TRPM3: variants seen among roughly 807,000 people sequenced by gnomAD.
TRPM3 encodes transient receptor potential cation channel subfamily M member 3.
TRPM3 carries 77 observed loss-of-function variants against 181.2 expected under a neutral mutation model. That is an observed-to-expected ratio of 0.42 (90% CI 0.35 to 0.51). The LOEUF is 0.51. Ranked by LOEUF, TRPM3 falls within the 20% of genes least tolerant of loss-of-function variation. The probability of loss-of-function intolerance (pLI) is 0.01; values close to 1 mark genes in which losing one functional copy is unlikely to be tolerated. For missense variants in TRPM3, 1,759 were observed against 2,196.7 expected (o/e 0.80, Z 3.98); for synonymous variants, 745 against 796.4 (o/e 0.94, Z 1.09).
At chr9:71,017,808 A>G (rs2134455301) in intron 1 of TRPM3, among the ~76,000 whole-genome samples, 1 of 152,042 alleles carries the variant, frequency 6.6e-6, no homozygotes, top group Non-Finnish European at 1.5e-5. Context: ...CACAAAAAAC[A>G]TAAAAAATAA....
chr9:71,214,160 T>C (rs1386172179), intron 1 of TRPM3, among the ~76,000 whole-genome samples: 2 of 152,082 alleles, frequency 1.3e-5, no homozygotes, highest in African/African-American at 4.8e-5. Flanking sequence ...TTGACATTAA[T>C]AAACAAGGTC....
intron 1 of TRPM3, among the ~76,000 whole-genome samples, chr9:71,096,700 T>A (rs1021871763): frequency 6.6e-6 from 1 of 151,774 alleles, no homozygotes; most frequent in Non-Finnish European, 1.5e-5. Context: ...AGATTTTATT[T>A]ACCTGGGGTG....
At chr9:70,813,591 C>T (rs992152756) in intron 6 of TRPM3, among the ~76,000 whole-genome samples, 2 of 152,056 alleles carry the variant, frequency 1.3e-5, no homozygotes, top group African/African-American at 4.8e-5. Context: ...AATAGAAGCC[C>T]AAACCTCAGC....
chr9:70,625,058 TC>T lies in TRPM3; in HGVS notation c.1809+132del. The T allele has an allele frequency of 1.0e-6, 1 of 981,636 alleles. No homozygotes were observed. Among genetic ancestry groups the T allele is most frequent in the African/African-American group, 1.6e-5 (1 of 60,904 alleles). 60.8% of individuals were successfully genotyped at this position (981,636 alleles called of 1,614,324 possible). A position where few individuals can be genotyped will look rare whatever the true frequency, so the allele number is the denominator to read the frequency against. ...AGATTAATTTGAATTTCATTACTTTTCTTTGATTGTTTAGGTTCACTCTCAG... is the reference window on the plus strand; with the variant it reads ...AGATTAATTTGAATTTCATTACTTTTTTTGATTGTTTAGGTTCACTCTCAG... On this transcript the variant is annotated intron_variant, in intron 14 of 25. Coordinates refer to ENST00000677713, the MANE Select transcript of TRPM3 (RefSeq NM_001366145.2). This position sits in a 1 kb window ranked among gnomAD's most constrained non-coding sequence, Gnocchi z 4.8.
intron 25 of TRPM3, among the ~76,000 whole-genome samples, chr9:70,547,468 T>C (rs1294381980): frequency 2.7e-5 from 4 of 150,430 alleles, no homozygotes; most frequent in African/African-American, 9.8e-5. Context: ...GTGCATCCCA[T>C]GGTGTTTCTG....
At chr9:70,749,380 T>C (rs2075741299) in intron 8 of TRPM3, among the ~76,000 whole-genome samples, 1 of 152,156 alleles carries the variant, frequency 6.6e-6, no homozygotes, top group Non-Finnish European at 1.5e-5. Flanking sequence ...CCCCAAGATA[T>C]AGTCTAGGAA....
At chr9:70,937,785 A>C (rs2096843369) in intron 1 of TRPM3, among the ~76,000 whole-genome samples, 1 of 148,806 alleles carries the variant, frequency 6.7e-6, no homozygotes, top group South Asian at 2.2e-4. Context: ...AGCTCTAGCA[A>C]TGACACTCAT....
At chr9:71,141,198 A>C (rs970589584) in intron 1 of TRPM3, among the ~76,000 whole-genome samples, 6 of 152,306 alleles carry the variant, frequency 3.9e-5, no homozygotes, top group African/African-American at 1.4e-4. Flanking sequence ...TCTTATTCAG[A>C]TAAATTAATT....
chr9:71,110,449 T>C (rs1421836975), intron 1 of TRPM3, among the ~76,000 whole-genome samples: 2 of 152,224 alleles, frequency 1.3e-5, no homozygotes, highest in Non-Finnish European at 2.9e-5. Context: ...GCTCCTTTGT[T>C]GTGTATTGTC....
intron 1 of TRPM3, among the ~76,000 whole-genome samples, chr9:70,894,380 C>G (rs922873283): frequency 1.2e-4 from 18 of 152,222 alleles, no homozygotes; most frequent in Middle Eastern, 3.4e-3. Flanking sequence ...AAGGGACCAT[C>G]GGGCATTACT....
intron 1 of TRPM3, among the ~76,000 whole-genome samples, chr9:71,445,114 C>T (rs778685724): frequency 3.9e-5 from 6 of 152,214 alleles, no homozygotes; most frequent in Non-Finnish European, 7.4e-5. Flanking sequence ...AGGTAACAAA[C>T]CTGCAATCAT....
chr9:71,182,323 C>T (rs1268764374), intron 1 of TRPM3, among the ~76,000 whole-genome samples: 1 of 152,070 alleles, frequency 6.6e-6, no homozygotes, highest in Admixed American at 6.6e-5. Flanking sequence ...ACACAACTCC[C>T]TCTCCATGGA....
chr9:71,296,731 A>G (rs977130955), intron 1 of TRPM3, among the ~76,000 whole-genome samples: 1 of 152,178 alleles, frequency 6.6e-6, no homozygotes, highest in African/African-American at 2.4e-5. Context: ...ACGGACCATT[A>G]GAAGATTGCT....
chr9:70,927,330 T>C (rs1428266419), intron 1 of TRPM3, among the ~76,000 whole-genome samples: 4 of 152,188 alleles, frequency 2.6e-5, no homozygotes, highest in Non-Finnish European at 4.4e-5. Context: ...AAGCCATGGA[T>C]AAGACACAGT....
upstream of TRPM3, chr9:71,446,875 C>G: frequency 6.7e-7 from 1 of 1,484,212 alleles, no homozygotes. Flanking sequence ...AGCCCAGCGC[C>G]GAGCGCTCTC....
At position 71,247,913 on chromosome 9, in the gene TRPM3, G is replaced by A. The variant is rs565917715; in HGVS notation, c.183+198740C>T. On this transcript the variant is annotated intron_variant, in intron 1 of 24. Transcript: ENST00000357533. Reference sequence around the variant, plus strand: ...GATCTATTTTACTAGCTAAAGTGAAGGCCTTAAAATAGGTGTAATAGTGAA... The same window carrying A: ...GATCTATTTTACTAGCTAAAGTGAAAGCCTTAAAATAGGTGTAATAGTGAA... 3.4e-3 allele frequency among the ~76,000 whole-genome samples: 514 copies of A among 152,242 alleles called. 1 individual carries two copies. Among genetic ancestry groups the A allele is most frequent in the African/African-American group, 0.012 (488 of 41,544 alleles).
At chr9:70,980,135 C>A (rs2097350505) in intron 1 of TRPM3, among the ~76,000 whole-genome samples, 1 of 147,712 alleles carries the variant, frequency 6.8e-6, no homozygotes, top group African/African-American at 2.5e-5. Context: ...GTGGTGGGAG[C>A]CCTGGTTATG....
At chr9:70,825,153 G>A (rs718005) in intron 6 of TRPM3, 32,964 of 152,022 alleles carry the variant, frequency 0.22, 4,421 homozygotes, top group Non-Finnish European at 0.29. Flanking sequence ...GGACTTTCAC[G>A]GCTAAACCTA....
chr9:71,273,266 C>T (rs1460289829), intron 1 of TRPM3, among the ~76,000 whole-genome samples: 2 of 152,098 alleles, frequency 1.3e-5, no homozygotes, highest in African/African-American at 4.8e-5. Context: ...CATTCTTTAT[C>T]GGATAGATGT....
Sources: allele counts gnomAD v4.1 joint callset (sites outside exome capture counted in the v4.1 genomes callset), GRCh38; gene constraint gnomAD v4.1.1; non-coding constraint Gnocchi (gnomAD v3.1); transcripts MANE v1.5; gene names NCBI Gene and HGNC (gene_info 2026-07-23, HGNC 2026-07-21).